The following LURAP1L variants were observed in gnomAD, a reference collection of about 807,000 sequenced individuals.
LURAP1L encodes the protein leucine rich adaptor protein 1 like, also known as leucine rich adaptor protein 1-like.
In LURAP1L, 12 loss-of-function variants were observed where a neutral mutation model predicts 13.8. The ratio of observed to expected loss-of-function variants is 0.87; its 90% CI spans 0.56 to 1.41. LURAP1L has a LOEUF of 1.41. Among genes scored for constraint, LURAP1L ranks in the 40% most tolerant of loss-of-function variants. The pLI is 0.00. For missense variants in LURAP1L, 375 were observed against 292.9 expected, an observed-to-expected ratio of 1.28 and a Z score of -2.04; for synonymous variants, 139 against 119.2, an observed-to-expected ratio of 1.17 and a Z score of -1.08.
At chr9:12,811,712 A>G (rs898954621) in intron 1 of LURAP1L, among the ~76,000 whole-genome samples, 6 of 152,346 alleles carry the variant, frequency 3.9e-5, no homozygotes, top group African/African-American at 1.4e-4. Flanking sequence ...TCTATATACC[A>G]ACAGCATTGG....
intron 1 of LURAP1L, chr9:12,814,151 GCA>G (rs1819774305): frequency 6.6e-6 from 1 of 152,040 alleles, no homozygotes; most frequent in Non-Finnish European, 1.5e-5. Context: ...ACATTTACTG[GCA>G]CACTACCCTG....
At chr9:12,800,504 G>T (rs1692529864) in intron 1 of LURAP1L, among the ~76,000 whole-genome samples, 3 of 151,034 alleles carry the variant, frequency 2.0e-5, no homozygotes, top group African/African-American at 4.9e-5. Flanking sequence ...ATATCAGGAA[G>T]TTCATAGGGG....
chr9:12,780,986 T>G (rs1297987761), intron 1 of LURAP1L, among the ~76,000 whole-genome samples: 11 of 152,154 alleles, frequency 7.2e-5, no homozygotes, highest in Non-Finnish European at 1.3e-4. Flanking sequence ...AGTTTTATTA[T>G]TTGAGATGGA....
Position 12,801,749 on chromosome 9 carries a change from T to C in LURAP1L, c.313-19637T>C, listed in dbSNP as rs190782262. The stretch of plus-strand genomic sequence containing the variant: ...AGACTTCAGGGAAATTTAAGAATGT[T>C]CCAAAAAGGGAGAATAACTCAAAAC... On this transcript the variant is annotated intron_variant, in intron 1 of 1. Coordinates refer to ENST00000319264, the MANE Select transcript of LURAP1L (RefSeq NM_203403.2). Among the ~76,000 whole-genome samples the C allele has an allele frequency of 8.5e-5, 13 of 152,274 alleles. No homozygotes were observed. In the East Asian group the frequency reaches 1.5e-3, roughly 18 times the overall value.
At chr9:12,808,330 T>C (rs1481286257) in intron 1 of LURAP1L, among the ~76,000 whole-genome samples, 1 of 152,106 alleles carries the variant, frequency 6.6e-6, no homozygotes, top group African/African-American at 2.4e-5. Flanking sequence ...CTTTAAAAAA[T>C]TGTGGCAAAA....
intron 1 of LURAP1L, among the ~76,000 whole-genome samples, chr9:12,811,081 C>G (rs183301707): frequency 5.9e-5 from 9 of 152,232 alleles, no homozygotes; most frequent in East Asian, 3.9e-4. Flanking sequence ...TAGAAGGAAA[C>G]TCAATAAACC....
In LURAP1L at chr9:12,779,265, T is replaced by A. The variant is rs914791935; in HGVS notation, c.312+3238T>A. Among the ~76,000 whole-genome samples, 10 of 139,310 alleles carry A rather than the reference T, an allele frequency of 7.2e-5. No homozygotes were observed. The Admixed American group carries it at 7.5e-4, about 10-fold the overall frequency. The allele number at this position is 139,310 out of a possible 152,430, so 91.4% of individuals were successfully genotyped here. Reference sequence around the variant, plus strand: ...GTATTATCCCGTTGAAATCTTATAATCTTTTTTTTTTTTTTTTTTTTTTTT... The same window carrying A: ...GTATTATCCCGTTGAAATCTTATAAACTTTTTTTTTTTTTTTTTTTTTTTT... On this transcript the variant is annotated intron_variant, in intron 1 of 1. Coordinates refer to ENST00000319264, the MANE Select transcript of LURAP1L (RefSeq NM_203403.2).
intron 1 of LURAP1L, among the ~76,000 whole-genome samples, chr9:12,811,194 T>A (rs980844057): frequency 3.3e-5 from 5 of 152,134 alleles, no homozygotes; most frequent in African/African-American, 1.2e-4. Context: ...AAAAGCAAGA[T>A]TGCAACTTAA....
intron 1 of LURAP1L, among the ~76,000 whole-genome samples, chr9:12,815,504 C>T (rs535277162): frequency 6.6e-6 from 1 of 152,242 alleles, no homozygotes; most frequent in South Asian, 2.1e-4. Flanking sequence ...TCTAATCTTT[C>T]TTCCTTCAAT....
chr9:12,819,501 G>T (rs7022588), intron 1 of LURAP1L, among the ~76,000 whole-genome samples: 4 of 152,142 alleles, frequency 2.6e-5, no homozygotes, highest in South Asian at 2.1e-4. Flanking sequence ...AGGACAATTC[G>T]CTCTTTTCTT....
intron 1 of LURAP1L, among the ~76,000 whole-genome samples, chr9:12,783,585 G>T (rs1364066763): frequency 6.6e-6 from 1 of 152,124 alleles, no homozygotes; most frequent in East Asian, 1.9e-4. Flanking sequence ...ATCTTAATGT[G>T]TTGTTGAATT....
intron 1 of LURAP1L, among the ~76,000 whole-genome samples, chr9:12,794,736 A>C (rs759703499): frequency 2.6e-5 from 4 of 151,878 alleles, no homozygotes; most frequent in Non-Finnish European, 2.9e-5. Flanking sequence ...TCTCAGCTGC[A>C]CACCATTTAA....
intron 1 of LURAP1L, among the ~76,000 whole-genome samples, chr9:12,816,964 C>A (rs572774499): frequency 1.3e-5 from 2 of 152,240 alleles, no homozygotes; most frequent in Non-Finnish European, 2.9e-5. Flanking sequence ...TTGTTCAGTT[C>A]ATTTTGCCAA....
chr9:12,784,597 C>A (rs924676627), intron 1 of LURAP1L, among the ~76,000 whole-genome samples: 1 of 152,158 alleles, frequency 6.6e-6, no homozygotes, highest in African/African-American at 2.4e-5. Flanking sequence ...GTGACACGAG[C>A]ACCTCTGTGG....
intron 1 of LURAP1L, among the ~76,000 whole-genome samples, chr9:12,776,376 C>T (rs1819184182): frequency 6.6e-6 from 1 of 152,172 alleles, no homozygotes; most frequent in African/African-American, 2.4e-5. Flanking sequence ...TTATTGCACC[C>T]ATCTAAGGCC....
At chr9:12,787,674 C>G (rs1330890350) in intron 1 of LURAP1L, among the ~76,000 whole-genome samples, 1 of 152,146 alleles carries the variant, frequency 6.6e-6, no homozygotes, top group East Asian at 1.9e-4. Context: ...TACTTCTATT[C>G]AGTATATTTG....
intron 1 of LURAP1L, among the ~76,000 whole-genome samples, chr9:12,782,703 G>T (rs1320837492): frequency 2.0e-5 from 3 of 151,996 alleles, no homozygotes; most frequent in African/African-American, 4.8e-5. Flanking sequence ...GGCTATTCAG[G>T]TTCTTTTCTG....
chr9:12,802,802 T>G (rs890962726), intron 1 of LURAP1L, among the ~76,000 whole-genome samples: 1 of 152,178 alleles, frequency 6.6e-6, no homozygotes, highest in Non-Finnish European at 1.5e-5. Flanking sequence ...CCTCCATGAA[T>G]GCCTCCAAAT....
At chr9:12,800,375 G>C (rs1004034151) in intron 1 of LURAP1L, among the ~76,000 whole-genome samples, 1 of 152,020 alleles carries the variant, frequency 6.6e-6, no homozygotes, top group Non-Finnish European at 1.5e-5. Context: ...AAAAATCCAA[G>C]AGTTAATTAG....
Sources: allele counts gnomAD v4.1 joint callset (sites outside exome capture counted in the v4.1 genomes callset), GRCh38; gene constraint gnomAD v4.1.1; transcripts MANE v1.5; gene names NCBI Gene and HGNC (gene_info 2026-07-23, HGNC 2026-07-21).